The following GALP variants were observed in gnomAD, a reference collection of about 807,000 sequenced individuals.
GALP encodes galanin-like peptide.
In GALP, 12 loss-of-function variants were observed where a neutral mutation model predicts 15.2. That is an observed-to-expected ratio of 0.79 (90% CI 0.51 to 1.28). The LOEUF is 1.28. Among genes scored for constraint, GALP ranks in the 50% most tolerant of loss-of-function variants. GALP has a pLI of 0.00. For missense variants in GALP, 161 were observed against 145.6 expected, an observed-to-expected ratio of 1.11 and a Z score of -0.55; for synonymous variants, 58 against 55.1, an observed-to-expected ratio of 1.05 and a Z score of -0.23.
intron 5 of GALP, among the ~76,000 whole-genome samples, chr19:56,184,333 T>G (rs1177778731): frequency 6.6e-6 from 1 of 152,064 alleles, no homozygotes; most frequent in Non-Finnish European, 1.5e-5. Context: ...ATGAATGAAT[T>G]AAACTATCCA....
At chr19:56,180,469 G>T in intron 2 of GALP, 117 bp from the exon 3 acceptor site, 1 of 818,046 alleles carries the variant, frequency 1.2e-6, no homozygotes. Context: ...GGATTGAAAT[G>T]AACCTGCTCC....
intron 5 of GALP, among the ~76,000 whole-genome samples, chr19:56,183,742 C>CTG (rs2032607043): frequency 6.6e-6 from 1 of 152,028 alleles, no homozygotes; most frequent in Non-Finnish European, 1.5e-5. Flanking sequence ...GGATTACAGG[C>CTG]ACGCGCCACC....
intron 5 of GALP, among the ~76,000 whole-genome samples, chr19:56,184,559 C>G (rs1222171106): frequency 6.8e-6 from 1 of 147,952 alleles, no homozygotes. Context: ...TCTCGGCTCA[C>G]TGCAAGCTCT....
In GALP at chr19:56,177,652, A is replaced by G. The variant is rs560611375; in HGVS notation, c.87+457A>G. Among the ~76,000 whole-genome samples, 263 of 152,264 alleles carry G rather than the reference A, an allele frequency of 1.7e-3. 1 individual carries two copies. The highest frequency in any genetic ancestry group is 6.0e-3 in the African/African-American group (249 of 41,562). On this transcript the variant is annotated intron_variant, in intron 2 of 5. Coordinates refer to ENST00000357330, the MANE Select transcript of GALP (RefSeq NM_033106.4). ...ATCACAGGTGTCAGCCACGGCACCC[A>G]GTCTGGGACGACACTTTGAAAACCT...
intron 2 of GALP, among the ~76,000 whole-genome samples, chr19:56,178,535 AAAAAAAAG>A (rs2032506875): frequency 1.3e-5 from 2 of 150,378 alleles, no homozygotes; most frequent in Non-Finnish European, 1.5e-5. Flanking sequence ...AAAAAAAAAA[AAAAAAAAG>A]AGACGCCGGC....
intron 2 of GALP, among the ~76,000 whole-genome samples, chr19:56,180,236 A>G (rs910882809): frequency 6.6e-6 from 1 of 152,186 alleles, no homozygotes; most frequent in African/African-American, 2.4e-5. Flanking sequence ...AGTGTGCAAC[A>G]CCGTATTGCT....
In GALP at chr19:56,183,137, G is replaced by A. The variant is rs151198103; in HGVS notation, c.220G>A (p.Gly74Arg). 5.6e-6 allele frequency: 9 copies of A among 1,610,634 alleles called. No homozygotes were observed. The highest frequency in any genetic ancestry group is 1.6e-4 in the Middle Eastern group (1 of 6,082). ...GAATGTTGTATTTTTGTTTCTAGAC[G>A]GGCTCCCCTACTCCCACCCTCCACA... is the stretch of plus-strand genomic sequence containing the variant. ...EILDLWKAID[G>R]LPYSHPPQPS... The change falls in exon 5 of 6, where the codon GGG becomes AGG. Residue 74 changes from glycine to arginine, a missense_variant and splice_region_variant. Coordinates refer to ENST00000357330, the MANE Select transcript of GALP (RefSeq NM_033106.4).
chr19:56,183,285 A>C, intron 5 of GALP, 73 bp downstream of exon 5: 1 of 1,262,812 alleles, frequency 7.9e-7, no homozygotes, highest in South Asian at 1.2e-5. Flanking sequence ...CAGAGCTTAG[A>C]GGGTAAAGGA....
chr19:56,183,187 G>A lies in GALP; in HGVS notation c.270G>A (p.Glu90=). Residue 90 remains glutamate (E), a synonymous_variant, in exon 5 of 6, where the codon GAG becomes GAA. Transcript: ENST00000357330. ...AGCCCTCCAAGAGGAATGTGATGGA[G>A]ACGTTTGCCAAACCAGAGATTGGAG... ...PPQPSKRNVM[E]TFAKPEIGDL... The A allele has an allele frequency of 6.2e-7, 1 of 1,613,924 alleles. No homozygotes were observed. Among genetic ancestry groups the A allele is most frequent in the Non-Finnish European group, 8.5e-7 (1 of 1,179,848 alleles).
At chr19:56,176,617 G>A (rs2032465221) in intron 1 of GALP, among the ~76,000 whole-genome samples, 1 of 135,888 alleles carries the variant, frequency 7.4e-6, no homozygotes, top group South Asian at 2.3e-4. Flanking sequence ...ACCGGGGTGA[G>A]AGCCTAGGCC....
In GALP at chr19:56,185,582, T is replaced by C. The variant is rs1244335494; in HGVS notation, c.*312T>C. The C allele has an allele frequency of 1.3e-5, 3 of 235,992 alleles. No homozygotes were observed. The highest frequency in any genetic ancestry group is 1.6e-5 in the Non-Finnish European group (2 of 123,508). 14.6% of individuals were successfully genotyped at this position (235,992 alleles called of 1,614,324 possible). A position where few individuals can be genotyped will look rare whatever the true frequency, so the allele number is the denominator to read the frequency against. ...AAGGAATTGTGTTCTTTTGGAATCA[T>C]CCCAATTATAACACGAGCTATTGCA... On this transcript the variant is annotated 3_prime_UTR_variant, in exon 6 of 6. Transcript: ENST00000357330.
chr19:56,183,671 G>C (rs143977956), intron 5 of GALP, among the ~76,000 whole-genome samples: 4,410 of 152,186 alleles, frequency 0.029, 61 homozygotes, highest in South Asian at 0.052. Context: ...GATCTTGGCT[G>C]ACTGCAACCT....
chr19:56,181,966 TAGC>T (rs1415460778), intron 3 of GALP, among the ~76,000 whole-genome samples: 5 of 152,106 alleles, frequency 3.3e-5, no homozygotes, highest in Non-Finnish European at 5.9e-5. Context: ...GTCCTGCCAT[TAGC>T]AGCAGGGTAA....
Position 56,183,077 on chromosome 19 carries a change from G to A in GALP, c.218-58G>A, listed in dbSNP as rs940565669. 68 of 1,234,020 alleles carry A rather than the reference G, an allele frequency of 5.5e-5. No individual in the cohort carries two copies. In the East Asian group the frequency reaches 1.0e-3, roughly 19 times the overall value. The allele number at this position is 1,234,020 out of a possible 1,614,324, so 76.4% of individuals were successfully genotyped here. A position where few individuals can be genotyped will look rare whatever the true frequency, so the allele number is the denominator to read the frequency against. ...GTCTTTGTGTCTGTGTGTTCTCATC[G>A]TTTAGCTCCCACTTGTAACTACGAA... On this transcript the variant is annotated intron_variant, in intron 4 of 5. Coordinates refer to ENST00000357330, the MANE Select transcript of GALP (RefSeq NM_033106.4).
chr19:56,178,524 A>AAAT (rs1364373239), intron 2 of GALP, among the ~76,000 whole-genome samples: 29 of 136,436 alleles, frequency 2.1e-4, no homozygotes, highest in African/African-American at 9.0e-4. Flanking sequence ...ACAACAACAA[A>AAAT]AAAAAAAAAA....
Position 56,177,119 on chromosome 19 carries a change from C to T in GALP, c.11C>T (p.Pro4Leu). The change falls in exon 2 of 6, where the codon CCC becomes CTC. Residue 4 changes from proline to leucine, a missense_variant. Physicochemically the swap from Pro to Leu is moderately conservative, Grantham distance 98. Coordinates refer to ENST00000357330, the MANE Select transcript of GALP (RefSeq NM_033106.4). The part of the protein sequence containing the change: MAP[P>L]SVPLVLLLVL... ...GTCGTCCTGCCTTCGATGGCTCCTC[C>T]CTCCGTCCCCCTGGTCCTCCTCCTC... 3 of 1,613,242 alleles carry T rather than the reference C, an allele frequency of 1.9e-6. No individual in the cohort carries two copies. The highest frequency in any genetic ancestry group is 2.2e-5 in the East Asian group (1 of 44,806).
At chr19:56,179,547 T>A (rs1478206354) in intron 2 of GALP, among the ~76,000 whole-genome samples, 1 of 151,744 alleles carries the variant, frequency 6.6e-6, no homozygotes, top group African/African-American at 2.4e-5. Flanking sequence ...CTCGATCTCC[T>A]GACCTCGTGA....
chr19:56,176,949 T>C (rs1360182216), intron 1 of GALP, 121 bp from the exon 2 acceptor site: 9 of 601,034 alleles, frequency 1.5e-5, no homozygotes, highest in East Asian at 2.8e-5. Context: ...GTACATTAAA[T>C]GTGCGCCATT....
chr19:56,182,652 G>A (rs746098751), intron 4 of GALP, among the ~76,000 whole-genome samples: 2 of 152,160 alleles, frequency 1.3e-5, no homozygotes, highest in Non-Finnish European at 2.9e-5. Context: ...TGGGCATGGT[G>A]GCTCACGCCT....
Sources: allele counts gnomAD v4.1 joint callset (sites outside exome capture counted in the v4.1 genomes callset), GRCh38; gene constraint gnomAD v4.1.1; transcripts MANE v1.5; gene names NCBI Gene and HGNC (gene_info 2026-07-23, HGNC 2026-07-21).